The following MARCHF3 variants were observed in gnomAD, a reference collection of about 807,000 sequenced individuals.
MARCHF3 encodes E3 ubiquitin-protein ligase MARCHF3.
In MARCHF3, 13 loss-of-function variants were observed where a neutral mutation model predicts 24.2. The ratio of observed to expected loss-of-function variants is 0.54; its 90% CI spans 0.35 to 0.85. The LOEUF (loss-of-function observed/expected upper bound fraction) is 0.85, where lower values mean the gene tolerates loss of function less well. MARCHF3 is among the 40% of genes least tolerant of loss of function. The pLI is 0.01. For synonymous variants in MARCHF3, 144 were observed against 137.3 expected (o/e 1.05, Z -0.34); for missense variants, 276 against 325.0 (o/e 0.85, Z 1.16).
intron 3 of MARCHF3, among the ~76,000 whole-genome samples, chr5:126,893,299 C>T (rs978484984): frequency 7.9e-5 from 12 of 151,458 alleles, no homozygotes; most frequent in Admixed American, 7.9e-4. Flanking sequence ...TTCAGTTCTG[C>T]TCTGATTTTA....
At chr5:126,948,521 C>A (rs1443970103) in intron 1 of MARCHF3, among the ~76,000 whole-genome samples, 1 of 152,092 alleles carries the variant, frequency 6.6e-6, no homozygotes, top group Non-Finnish European at 1.5e-5. Context: ...CACGGAGAAG[C>A]AATATGCTGA....
chr5:126,908,322 T>C (rs1438238157), intron 3 of MARCHF3, among the ~76,000 whole-genome samples: 1 of 152,028 alleles, frequency 6.6e-6, no homozygotes, highest in Non-Finnish European at 1.5e-5. Context: ...TCTCGAGGAG[T>C]ATCTTTGTGG....
chr5:126,903,283 C>A (rs1754165727), intron 3 of MARCHF3, among the ~76,000 whole-genome samples: 1 of 151,824 alleles, frequency 6.6e-6, no homozygotes, highest in South Asian at 2.1e-4. Context: ...AAAGGCAAGG[C>A]CTGGGGAAAT....
intron 3 of MARCHF3, among the ~76,000 whole-genome samples, chr5:126,914,033 G>A (rs1297620028): frequency 2.1e-5 from 3 of 145,548 alleles, no homozygotes; most frequent in Non-Finnish European, 4.5e-5. Flanking sequence ...ACCCAGGCTG[G>A]AGTGCAGTGG....
At chr5:127,016,935 T>C (rs1010959081) in intron 1 of MARCHF3, among the ~76,000 whole-genome samples, 3 of 152,072 alleles carry the variant, frequency 2.0e-5, no homozygotes, top group Non-Finnish European at 4.4e-5. Context: ...TATGCAGCCA[T>C]AAAAAAGGAT....
At chr5:126,961,299 T>G in intron 1 of MARCHF3, among the ~76,000 whole-genome samples, 1 of 152,260 alleles carries the variant, frequency 6.6e-6, no homozygotes, top group Middle Eastern at 3.4e-3. Flanking sequence ...ATGAGGAACA[T>G]TGATCTACAT....
chr5:126,888,006 C>T (rs936095591), intron 3 of MARCHF3, among the ~76,000 whole-genome samples: 5 of 152,206 alleles, frequency 3.3e-5, no homozygotes, highest in Non-Finnish European at 5.9e-5. Flanking sequence ...ACATGAGATT[C>T]TTCTGGCCTG....
At chr5:126,934,646 A>C (rs1232192159) in intron 1 of MARCHF3, among the ~76,000 whole-genome samples, 3 of 152,078 alleles carry the variant, frequency 2.0e-5, no homozygotes, top group Non-Finnish European at 4.4e-5. Context: ...GGTATGGAGA[A>C]TATTGTTGAA....
chr5:126,988,981 T>C (rs1406496327), intron 1 of MARCHF3, among the ~76,000 whole-genome samples: 1 of 152,196 alleles, frequency 6.6e-6, no homozygotes, highest in Non-Finnish European at 1.5e-5. Context: ...TTAAATGTAG[T>C]TAACTCCCAC....
At chr5:127,026,300 T>TAAAAC (rs139095729) in intron 1 of MARCHF3, among the ~76,000 whole-genome samples, 3,096 of 152,244 alleles carry the variant, frequency 0.02, 76 homozygotes, top group South Asian at 0.11. Context: ...GCTAGGCAAA[T>TAAAAC]AAAAGCAACC....
intron 1 of MARCHF3, among the ~76,000 whole-genome samples, chr5:126,964,490 T>A (rs1480143939): frequency 6.6e-6 from 1 of 152,226 alleles, no homozygotes; most frequent in Non-Finnish European, 1.5e-5. Flanking sequence ...ATTTACAAAA[T>A]GGTCTTTAAA....
chr5:126,914,218 T>C (rs965854228), intron 3 of MARCHF3, among the ~76,000 whole-genome samples: 1 of 151,724 alleles, frequency 6.6e-6, no homozygotes, highest in Non-Finnish European at 1.5e-5. Flanking sequence ...CTCCTGACCT[T>C]GTGATCCGCC....
chr5:126,963,844 T>A (rs1750721875), intron 1 of MARCHF3, among the ~76,000 whole-genome samples: 1 of 152,188 alleles, frequency 6.6e-6, no homozygotes, highest in Non-Finnish European at 1.5e-5. Flanking sequence ...TTCACATAAT[T>A]CACTGAAATC....
intron 1 of MARCHF3, among the ~76,000 whole-genome samples, chr5:126,946,085 CAG>C (rs1460791375): frequency 6.6e-6 from 1 of 151,896 alleles, no homozygotes; most frequent in Non-Finnish European, 1.5e-5. Context: ...AAAAATAGAA[CAG>C]GGGCCGAGCG....
At chr5:126,983,957 A>C (rs1397042368) in intron 1 of MARCHF3, among the ~76,000 whole-genome samples, 1 of 152,230 alleles carries the variant, frequency 6.6e-6, no homozygotes, top group Non-Finnish European at 1.5e-5. Context: ...ACTATCATAC[A>C]ACTAAGAGAG....
At chr5:126,972,714 T>A (rs1283870704) in intron 1 of MARCHF3, among the ~76,000 whole-genome samples, 2 of 151,870 alleles carry the variant, frequency 1.3e-5, no homozygotes. Flanking sequence ...AGGAAGAGAG[T>A]GGTTTTAACA....
At chr5:126,914,830 G>A (rs577563770) in intron 3 of MARCHF3, 100 bp downstream of exon 3, 37 of 894,206 alleles carry the variant, frequency 4.1e-5, no homozygotes, top group African/African-American at 4.0e-4. Flanking sequence ...AGCTATTACC[G>A]TGCTTCAGTA....
At chr5:127,002,374 G>A (rs1752158301) in intron 1 of MARCHF3, among the ~76,000 whole-genome samples, 1 of 152,130 alleles carries the variant, frequency 6.6e-6, no homozygotes, top group Non-Finnish European at 1.5e-5. Flanking sequence ...AACCAGCATA[G>A]TTTTGTGACT....
chr5:127,010,385 C>CCT (rs1271931335), intron 1 of MARCHF3, among the ~76,000 whole-genome samples: 1 of 152,164 alleles, frequency 6.6e-6, no homozygotes, highest in African/African-American at 2.4e-5. Context: ...TTTCCACCAA[C>CCT]CTCTGTCAAC....
Sources: gnomAD v4.1 joint callset for allele counts (sites outside exome capture counted in the v4.1 genomes callset) on GRCh38, gnomAD v4.1.1 for gene constraint, MANE v1.5 for transcripts, NCBI Gene and HGNC (gene_info 2026-07-23, HGNC 2026-07-21) for gene names.